Variants in MGA observed in about 807,000 individuals in gnomAD.
MGA encodes the protein MAX gene-associated protein.
Under a neutral mutation model 261.1 loss-of-function variants are expected in MGA, and 40 were observed. That is an observed-to-expected ratio of 0.15 (90% CI 0.12 to 0.20). The LOEUF is 0.20. Among genes scored for constraint, MGA ranks in the 10% least tolerant of loss-of-function variants. MGA has a pLI of 1.00. For missense variants in MGA, 3,397 were observed against 3,630.5 expected, an observed-to-expected ratio of 0.94 and a Z score of 1.65; for synonymous variants, 1,302 against 1,290.6, an observed-to-expected ratio of 1.01 and a Z score of -0.19.
intron 1 of MGA, among the ~76,000 whole-genome samples, chr15:41,628,412 G>A (rs34802618): frequency 2.7e-5 from 4 of 148,954 alleles, no homozygotes; most frequent in Admixed American, 2.0e-4. Flanking sequence ...CAATACAAGA[G>A]ATAGAGAGTG....
Position 41,727,213 on chromosome 15 carries a change from G to A in MGA, c.3464G>A (p.Arg1155Gln). Residue 1155 changes from arginine to glutamine, a missense_variant, in exon 10 of 24, where the codon CGA becomes CAA. By Grantham distance (43) the Arg-to-Gln change is conservative (BLOSUM62 1). Coordinates refer to ENST00000219905, the MANE Select transcript of MGA (RefSeq NM_001164273.2). ...GAGACAGAGCCTGAACAGCCTGTTCGACATTACCCATTATGGGTAAAAGTA... is the reference window on the plus strand; with the variant it reads ...GAGACAGAGCCTGAACAGCCTGTTCAACATTACCCATTATGGGTAAAAGTA... 1 of 1,613,682 alleles carries A rather than the reference G, an allele frequency of 6.2e-7. No individual in the cohort carries two copies. The highest frequency in any genetic ancestry group is 8.5e-7 in the Non-Finnish European group (1 of 1,179,822).
At position 41,711,131 on chromosome 15, in the gene MGA, G is replaced by A; in HGVS notation, c.2866G>A (p.Val956Met). Residue 956 changes from valine to methionine, a missense_variant, in exon 8 of 24, where the codon GTG (valine) becomes ATG (methionine). Physicochemically the swap from Val to Met is conservative, Grantham distance 21 (BLOSUM62 1). Transcript: ENST00000219905. ...AGAAAATCAGGCGAATAACTTTGTT[G>A]TGCCAACTTTGGATGAAAATATATT... 6.2e-7 allele frequency: 1 copy of A among 1,614,026 alleles called. No individual in the cohort carries two copies. The highest frequency in any genetic ancestry group is 8.5e-7 in the Non-Finnish European group (1 of 1,179,904).
In MGA at chr15:41,749,136, T is replaced by A. The variant is rs1330348817; in HGVS notation, c.5529T>A (p.Pro1843=). The change falls in exon 17 of 24, where the codon CCT becomes CCA. Residue 1843 remains proline, a synonymous_variant. Transcript: ENST00000219905. ...GGTCTGTGATGGGAATCCGGTTACC[T>A]GCTCCTTCCAAACCCTCTGAGACTC... 16 of 1,613,418 alleles carry A rather than the reference T, an allele frequency of 9.9e-6. No individual in the cohort carries two copies. Among genetic ancestry groups the A allele is most frequent in the Non-Finnish European group, 1.4e-5 (16 of 1,179,532 alleles).
At position 41,750,189 on chromosome 15, in the gene MGA, G is replaced by C; in HGVS notation, c.6582G>C (p.Lys2194Asn). ...GTGTTGGAGCTTCACAGGAATGTAA[G>C]AAAGAGGCAGACGAGCAGTTAATTA... Residue 2194 changes from lysine to asparagine, a missense_variant, in exon 17 of 24, where the codon AAG (lysine) becomes AAC (asparagine). By Grantham distance (94) the Lys-to-Asn change is moderately conservative. This residue lies in a region of MGA where 1,410 missense variants were observed against 1,386.4 expected (regional missense o/e 1.02). Coordinates refer to ENST00000219905, the MANE Select transcript of MGA (RefSeq NM_001164273.2). The C allele has an allele frequency of 6.2e-7, 1 of 1,613,930 alleles. No homozygotes were observed. The highest frequency in any genetic ancestry group is 1.3e-5 in the African/African-American group (1 of 75,046).
At chr15:41,635,477 A>G (rs2056681492) in intron 1 of MGA, among the ~76,000 whole-genome samples, 1 of 152,144 alleles carries the variant, frequency 6.6e-6, no homozygotes, top group African/African-American at 2.4e-5. Flanking sequence ...TGGGAGGCCA[A>G]GGTGGGAGTT....
chr15:41,720,765 T>C (rs1019165535), intron 9 of MGA, among the ~76,000 whole-genome samples: 1 of 151,938 alleles, frequency 6.6e-6, no homozygotes, highest in African/African-American at 2.4e-5. Flanking sequence ...CCCGGGAAGC[T>C]GAGGTTGCAG....
At chr15:41,651,340 C>T (rs2057037947) in intron 1 of MGA, among the ~76,000 whole-genome samples, 1 of 152,120 alleles carries the variant, frequency 6.6e-6, no homozygotes, top group Non-Finnish European at 1.5e-5. Flanking sequence ...TTGTTTTGAT[C>T]TTCAGTGTTT....
chr15:41,623,260 AT>A (rs969499589), intron 1 of MGA, among the ~76,000 whole-genome samples: 1 of 152,254 alleles, frequency 6.6e-6, no homozygotes, highest in Non-Finnish European at 1.5e-5. Context: ...ACTAGAGAAT[AT>A]ACAAATAAAG....
At chr15:41,765,409 G>C (rs952585735) in intron 23 of MGA, among the ~76,000 whole-genome samples, 2 of 152,232 alleles carry the variant, frequency 1.3e-5, no homozygotes, top group African/African-American at 2.4e-5. Flanking sequence ...GATGATAACA[G>C]TCCTGCATTA....
At chr15:41,763,542 G>A (rs1480370236) in intron 22 of MGA, among the ~76,000 whole-genome samples, 2 of 151,750 alleles carry the variant, frequency 1.3e-5, no homozygotes, top group Non-Finnish European at 2.9e-5. Flanking sequence ...TTGGGAGTTT[G>A]AGACTAGCCT....
At position 41,711,067 on chromosome 15, in the gene MGA, A is replaced by G. The variant is rs536915131; in HGVS notation, c.2802A>G (p.Leu934=). 1.9e-5 allele frequency: 30 copies of G among 1,614,066 alleles called. No individual in the cohort carries two copies. The South Asian group carries it at 2.2e-4, about 12-fold the overall frequency. Reference sequence around the variant, plus strand: ...AGCAGAAATACTCTCATGTGATTCTAGGAGATAAGGTTACCAAGAATTCTT... The same window carrying G: ...AGCAGAAATACTCTCATGTGATTCTGGGAGATAAGGTTACCAAGAATTCTT... The change falls in exon 8 of 24, where the codon CTA becomes CTG. Residue 934 remains leucine, a synonymous_variant. Coordinates refer to ENST00000219905, the MANE Select transcript of MGA (RefSeq NM_001164273.2).
rs1480476214 is a variant in MGA, at chr15:41,762,475, T to G, written c.7744+113T>G. Reference sequence around the variant, plus strand: ...AGTTTTGTGTGGTTTTTTTTTTTTTTTTTTTTTTTTTTTTTTGGAGACAGC... The same window carrying G: ...AGTTTTGTGTGGTTTTTTTTTTTTTGTTTTTTTTTTTTTTTTGGAGACAGC... On this transcript the variant is annotated intron_variant, in intron 22 of 23. Transcript: ENST00000219905. 5 of 721,444 alleles carry G rather than the reference T, an allele frequency of 6.9e-6. No individual in the cohort carries two copies. The East Asian group carries it at 1.3e-4, about 18-fold the overall frequency. The allele number at this position is 721,444 out of a possible 1,614,324, so 44.7% of individuals were successfully genotyped here.
intron 11 of MGA, among the ~76,000 whole-genome samples, chr15:41,732,822 C>T (rs2061579093): frequency 6.6e-6 from 1 of 152,214 alleles, no homozygotes; most frequent in South Asian, 2.1e-4. Flanking sequence ...GCTCTTGCCT[C>T]CTTGGCAACA....
intron 23 of MGA, among the ~76,000 whole-genome samples, chr15:41,765,412 C>G (rs1334281107): frequency 6.6e-6 from 1 of 152,168 alleles, no homozygotes; most frequent in African/African-American, 2.4e-5. Context: ...GATAACAGTC[C>G]TGCATTATTA....
chr15:41,652,694 TC>T (rs1349387283), intron 1 of MGA, among the ~76,000 whole-genome samples: 1 of 152,126 alleles, frequency 6.6e-6, no homozygotes, highest in African/African-American at 2.4e-5. Flanking sequence ...CAGAGGTTTT[TC>T]TACACTACCA....
intron 7 of MGA, 67 bp downstream of exon 7, chr15:41,708,275 A>G: frequency 8.7e-7 from 1 of 1,154,016 alleles, no homozygotes; most frequent in African/African-American, 1.6e-5. Flanking sequence ...TGTTAAAAGT[A>G]AGTCTTGGTT....
At chr15:41,684,290 G>A (rs1030987078) in intron 2 of MGA, 26 of 379,246 alleles carry the variant, frequency 6.9e-5, no homozygotes, top group African/African-American at 2.7e-4. Flanking sequence ...GCTGGTGTTC[G>A]TCACACATTA....
At chr15:41,763,795 C>T (rs1335996440) in intron 22 of MGA, among the ~76,000 whole-genome samples, 2 of 152,112 alleles carry the variant, frequency 1.3e-5, no homozygotes, top group Non-Finnish European at 2.9e-5. Context: ...TTAGTCTTAA[C>T]TTCTTATTAC....
At chr15:41,647,949 G>T (rs1199066659) in intron 1 of MGA, among the ~76,000 whole-genome samples, 3 of 152,082 alleles carry the variant, frequency 2.0e-5, no homozygotes, top group Non-Finnish European at 2.9e-5. Context: ...GATTCCCTGT[G>T]GTATTCTAAT....
Sources: allele counts gnomAD v4.1 joint callset (sites outside exome capture counted in the v4.1 genomes callset), GRCh38; gene constraint gnomAD v4.1.1; regional missense constraint gnomAD v4.1.1; transcripts MANE v1.5; gene names NCBI Gene and HGNC (gene_info 2026-07-23, HGNC 2026-07-21).